ARHGEF10: variants seen among roughly 807,000 people sequenced by gnomAD.
ARHGEF10 encodes Rho guanine nucleotide exchange factor (GEF) 10.
Under a neutral mutation model 147.4 loss-of-function variants are expected in ARHGEF10, and 140 were observed. The observed-to-expected ratio is 0.95, with a 90% CI of 0.83 to 1.09. The LOEUF (loss-of-function observed/expected upper bound fraction) is 1.09. ARHGEF10 is among the 50% of genes least tolerant of loss of function. The pLI is 0.00. For synonymous variants in ARHGEF10, 902 were observed against 695.8 expected, an observed-to-expected ratio of 1.30 and a Z score of -4.67; for missense variants, 2,222 against 1,752.7, an observed-to-expected ratio of 1.27 and a Z score of -4.78.
chr8:1,924,869 T>C (rs546821532), intron 21 of ARHGEF10, among the ~76,000 whole-genome samples: 1 of 152,370 alleles, frequency 6.6e-6, no homozygotes, highest in East Asian at 1.9e-4. Flanking sequence ...GTTGTACTTT[T>C]GTTTATCCCA....
intron 15 of ARHGEF10, among the ~76,000 whole-genome samples, chr8:1,899,458 G>A (rs1337107470): frequency 6.6e-6 from 1 of 152,172 alleles, no homozygotes; most frequent in Non-Finnish European, 1.5e-5. Context: ...GAAATGAACT[G>A]GCGCCTGGGA....
intron 14 of ARHGEF10, among the ~76,000 whole-genome samples, chr8:1,896,831 T>C (rs1419152067): frequency 6.6e-6 from 1 of 152,002 alleles, no homozygotes; most frequent in East Asian, 1.9e-4. Flanking sequence ...GCCTGGAGAG[T>C]CAGAGCCTGG....
chr8:1,871,524 A>G (rs1807125377), intron 7 of ARHGEF10, among the ~76,000 whole-genome samples: 1 of 152,224 alleles, frequency 6.6e-6, no homozygotes, highest in African/African-American at 2.4e-5. Context: ...ATAATGGCAT[A>G]TGTTAATAAA....
Position 1,952,688 on chromosome 8 carries a change from C to A in ARHGEF10, c.3398-17C>A. On this transcript the variant is annotated splice_polypyrimidine_tract_variant and intron_variant, in intron 27 of 28. Transcript: ENST00000349830. ...TACACAAACCAGACCCGAAGCCACT[C>A]ATGTCTTTCCGCCCAGGGCACCAGC... 3 of 1,613,302 alleles carry A rather than the reference C, an allele frequency of 1.9e-6. No homozygotes were observed. The South Asian group carries it at 3.3e-5, about 18-fold the overall frequency.
At chr8:1,831,816 C>T (rs1486294671) in intron 1 of ARHGEF10, among the ~76,000 whole-genome samples, 3 of 152,212 alleles carry the variant, frequency 2.0e-5, no homozygotes, top group African/African-American at 4.8e-5. Flanking sequence ...ACTTTCACGT[C>T]GATGACAGGC....
At chr8:1,853,653 CA>C (rs1288537448) in intron 2 of ARHGEF10, among the ~76,000 whole-genome samples, 2 of 152,244 alleles carry the variant, frequency 1.3e-5, no homozygotes, top group African/African-American at 4.8e-5. Flanking sequence ...GAGGATGGCA[CA>C]GGACCTTTTG....
chr8:1,949,818 C>A (rs1814885124), intron 27 of ARHGEF10, among the ~76,000 whole-genome samples: 1 of 150,794 alleles, frequency 6.6e-6, no homozygotes, highest in Non-Finnish European at 1.5e-5. Flanking sequence ...GCCGGTGTGG[C>A]CCTGGCCTGT....
intron 1 of ARHGEF10, among the ~76,000 whole-genome samples, chr8:1,824,574 C>T (rs1461681443): frequency 6.8e-5 from 7 of 103,518 alleles, no homozygotes; most frequent in Non-Finnish European, 1.4e-4. Flanking sequence ...CCCACCAGTT[C>T]CCCGCACCCC....
At chr8:1,954,430 T>C (rs1258989038) in intron 28 of ARHGEF10, among the ~76,000 whole-genome samples, 1 of 151,836 alleles carries the variant, frequency 6.6e-6, no homozygotes, top group Non-Finnish European at 1.5e-5. Flanking sequence ...ATTTCAGATT[T>C]GGGATGCTCA....
intron 1 of ARHGEF10, among the ~76,000 whole-genome samples, chr8:1,837,038 T>C (rs1359286585): frequency 1.3e-5 from 2 of 152,264 alleles, no homozygotes; most frequent in Non-Finnish European, 2.9e-5. Flanking sequence ...GATACATCTT[T>C]ATCAGCAGCG....
intron 13 of ARHGEF10, among the ~76,000 whole-genome samples, chr8:1,895,070 G>C (rs1338975015): frequency 2.6e-5 from 4 of 152,182 alleles, no homozygotes; most frequent in African/African-American, 9.7e-5. Flanking sequence ...CTTGGCTGTA[G>C]CTTCTGTTGT....
rs369872855 is a variant in ARHGEF10 at position 1,843,442 on chromosome 8, A to G, written c.37+6A>G. ...CCTGCCTCCCGCTCCTGCAGGTAAC[A>G]GCACTCAGTAGGTGGGCCTGTGGGT... is the stretch of plus-strand genomic sequence containing the variant. On this transcript the variant is annotated splice_donor_region_variant and intron_variant, in intron 2 of 28. Transcript: ENST00000349830. 1.2e-6 allele frequency: 2 copies of G among 1,610,732 alleles called. No homozygotes were observed. The highest frequency in any genetic ancestry group is 1.7e-6 in the Non-Finnish European group (2 of 1,178,130).
chr8:1,955,365 A>G (rs1246780856), intron 28 of ARHGEF10, among the ~76,000 whole-genome samples: 1 of 139,852 alleles, frequency 7.2e-6, no homozygotes, highest in African/African-American at 2.6e-5. Context: ...ATGGGTAGCT[A>G]GGTGCTCCCT....
intron 2 of ARHGEF10, among the ~76,000 whole-genome samples, chr8:1,855,089 C>G (rs189328158): frequency 1.1e-3 from 165 of 146,506 alleles, no homozygotes; most frequent in Non-Finnish European, 2.0e-3. Context: ...AAAGAGAATT[C>G]CTTCTTCCTG....
At chr8:1,941,300 A>T (rs1250595383) in intron 26 of ARHGEF10, among the ~76,000 whole-genome samples, 1 of 152,264 alleles carries the variant, frequency 6.6e-6, no homozygotes, top group African/African-American at 2.4e-5. Context: ...AATCAATTAA[A>T]TTTCTATACA....
rs1167931083 is a variant in ARHGEF10 at position 1,823,989 on chromosome 8, A to ACGCGGGGGT, written c.-164_-163insTCGCGGGGG. The ACGCGGGGGT allele has an allele frequency of 1.1e-5, 1 of 92,706 alleles. No individual in the cohort carries two copies. Among genetic ancestry groups the ACGCGGGGGT allele is most frequent in the Non-Finnish European group, 2.1e-5 (1 of 48,624 alleles). 5.7% of individuals were successfully genotyped at this position (92,706 alleles called of 1,614,324 possible). On this transcript the variant is annotated 5_prime_UTR_variant, in exon 1 of 29. Coordinates refer to ENST00000349830, the MANE Select transcript of ARHGEF10 (RefSeq NM_014629.4). The stretch of plus-strand genomic sequence containing the variant: ...TCCGGGACGGACGGGGTCGCGGGGG[A>ACGCGGGGGT]CGCGGGGGACGCGGGGGACGGCGGG...
chr8:1,952,348 C>G (rs1815124130), intron 27 of ARHGEF10, among the ~76,000 whole-genome samples: 2 of 152,202 alleles, frequency 1.3e-5, no homozygotes, highest in South Asian at 4.1e-4. Flanking sequence ...GTCGGGGGCT[C>G]ACGAGCTCAC....
chr8:1,825,565 C>A (rs746010594), intron 1 of ARHGEF10, among the ~76,000 whole-genome samples: 2 of 150,840 alleles, frequency 1.3e-5, no homozygotes, highest in African/African-American at 4.9e-5. Context: ...AAGGTAGATT[C>A]TGAGGAAACT....
At chr8:1,912,755 T>C (rs755187656) in intron 18 of ARHGEF10, among the ~76,000 whole-genome samples, 3 of 152,016 alleles carry the variant, frequency 2.0e-5, no homozygotes, top group Non-Finnish European at 2.9e-5. Context: ...GTGTCCCCTA[T>C]GGATCCATGG....
Sources: allele counts gnomAD v4.1 joint callset (sites outside exome capture counted in the v4.1 genomes callset), GRCh38; gene constraint gnomAD v4.1.1; transcripts MANE v1.5; gene names NCBI Gene and HGNC (gene_info 2026-07-23, HGNC 2026-07-21).